The following GPT2 variants were observed in gnomAD, a reference collection of about 807,000 sequenced individuals.
GPT2 encodes the protein glutamic--pyruvic transaminase 2.
GPT2 carries 30 observed loss-of-function variants against 56.9 expected under a neutral mutation model. That is an observed-to-expected ratio of 0.53 (90% CI 0.39 to 0.72). The LOEUF (loss-of-function observed/expected upper bound fraction) is 0.72. Ranked by LOEUF, GPT2 falls within the 30% of genes least tolerant of loss-of-function variation. GPT2 has a pLI of 0.00. For synonymous variants in GPT2, 271 were observed against 283.1 expected (o/e 0.96, Z 0.43); for missense variants, 542 against 703.4 (o/e 0.77, Z 2.60).
At chr16:46,922,191 G>T in intron 8 of GPT2, 51 bp from the exon 9 acceptor site, 1 of 1,578,624 alleles carries the variant, frequency 6.3e-7, no homozygotes, top group Non-Finnish European at 8.6e-7. Flanking sequence ...ATGGCACTTT[G>T]TTGAGGTCTT....
At chr16:46,890,063 G>C (rs1458088068) in intron 2 of GPT2, among the ~76,000 whole-genome samples, 1 of 152,226 alleles carries the variant, frequency 6.6e-6, no homozygotes, top group East Asian at 1.9e-4. Flanking sequence ...CCTACACCCT[G>C]TCTTCCCTGC....
intron 4 of GPT2, among the ~76,000 whole-genome samples, chr16:46,905,594 A>G (rs537265714): frequency 3.9e-5 from 6 of 152,304 alleles, no homozygotes; most frequent in Admixed American, 1.3e-4. Context: ...GCACTTCCAC[A>G]GGGAATTCAC....
intron 4 of GPT2, among the ~76,000 whole-genome samples, chr16:46,902,912 C>T (rs1960846875): frequency 6.6e-6 from 1 of 152,112 alleles, no homozygotes; most frequent in African/African-American, 2.4e-5. Context: ...GCGTGAGCCA[C>T]CGCGCCTGGC....
chr16:46,886,425 G>A (rs1960485599), intron 2 of GPT2, among the ~76,000 whole-genome samples: 1 of 152,208 alleles, frequency 6.6e-6, no homozygotes, highest in Admixed American at 6.5e-5. Flanking sequence ...GAGGCTTGAG[G>A]ATGATGAGGA....
rs541034881 is a variant in GPT2 at position 46,931,126 on chromosome 16, G to T, written c.*2129G>T. 6.6e-6 allele frequency: 1 copy of T among 152,274 alleles called. No homozygotes were observed. Among genetic ancestry groups the T allele is most frequent in the Non-Finnish European group, 1.5e-5 (1 of 68,082 alleles). The allele number at this position is 152,274 out of a possible 1,614,324, so 9.4% of individuals were successfully genotyped here. On this transcript the variant is annotated 3_prime_UTR_variant, in exon 12 of 12. Transcript: ENST00000340124. Reference sequence around the variant, plus strand: ...TGCATCACCGGGCACCCAGAGGCTTGCCTGGCTATTCCTGTTCTGGTGTGT... The same window carrying T: ...TGCATCACCGGGCACCCAGAGGCTTTCCTGGCTATTCCTGTTCTGGTGTGT...
chr16:46,907,844 G>T (rs1482566569), intron 5 of GPT2, among the ~76,000 whole-genome samples: 1 of 152,250 alleles, frequency 6.6e-6, no homozygotes, highest in African/African-American at 2.4e-5. Flanking sequence ...AGGTATCTCG[G>T]GCTGGGGTCA....
chr16:46,890,970 T>C (rs969929709), intron 2 of GPT2, among the ~76,000 whole-genome samples: 4 of 151,720 alleles, frequency 2.6e-5, no homozygotes, highest in Non-Finnish European at 4.4e-5. Flanking sequence ...GCTTCCCGGG[T>C]TCAAGCAATT....
At chr16:46,915,506 A>G (rs1161713580) in intron 6 of GPT2, 2 of 144,862 alleles carry the variant, frequency 1.4e-5, no homozygotes, top group African/African-American at 2.6e-5. Flanking sequence ...AGACACCCCA[A>G]CACACCTACA....
rs952613570 is a variant in GPT2 at position 46,885,011 on chromosome 16, C to G, written c.243+53C>G. 18 of 1,407,934 alleles carry G rather than the reference C, an allele frequency of 1.3e-5. No individual in the cohort carries two copies. In the African/African-American group the frequency reaches 2.7e-4, roughly 21 times the overall value. The allele number at this position is 1,407,934 out of a possible 1,614,324, so 87.2% of individuals were successfully genotyped here. The stretch of plus-strand genomic sequence containing the variant: ...CTGGGGCCGCTGAGCAAGGGAAAAA[C>G]CGCAGCAGCCCCAGCTGGGGTCCTT... On this transcript the variant is annotated intron_variant, in intron 2 of 11. Transcript: ENST00000340124.
At chr16:46,906,614 G>A (rs963493852) in intron 4 of GPT2, among the ~76,000 whole-genome samples, 1 of 152,134 alleles carries the variant, frequency 6.6e-6, no homozygotes. Context: ...ATGAGTGGAT[G>A]GATGTGTGGG....
intron 2 of GPT2, chr16:46,885,564 G>T (rs1190856309): frequency 1.0e-6 from 1 of 985,006 alleles, no homozygotes; most frequent in Non-Finnish European, 1.2e-6. Context: ...TGTGGTCTGG[G>T]GACAGTCACC....
chr16:46,901,703 C>T (rs1362617631), intron 4 of GPT2, among the ~76,000 whole-genome samples: 1 of 152,102 alleles, frequency 6.6e-6, no homozygotes, highest in African/African-American at 2.4e-5. Flanking sequence ...CTCCATCTCC[C>T]GCCACCCCCG....
In GPT2 at chr16:46,924,469, C is replaced by T; in HGVS notation, c.1293C>T (p.His431=). ...TGTTTAACCAAGTCCCAGGAATTCACTGCAACCCCTTGCAGGGGGCCATGT... is the reference window on the plus strand; with the variant it reads ...TGTTTAACCAAGTCCCAGGAATTCATTGCAACCCCTTGCAGGGGGCCATGT... ...EDLFNQVPGI[H]CNPLQGAMYA... The change falls in exon 10 of 12, where the codon CAC becomes CAT. Residue 431 remains histidine (H), a synonymous_variant. Transcript: ENST00000340124. The T allele has an allele frequency of 6.2e-7, 1 of 1,614,236 alleles. No individual in the cohort carries two copies. The highest frequency in any genetic ancestry group is 8.5e-7 in the Non-Finnish European group (1 of 1,180,026).
chr16:46,898,991 T>TATAA (rs1491348278), intron 3 of GPT2, among the ~76,000 whole-genome samples: 2 of 76,968 alleles, frequency 2.6e-5, no homozygotes, highest in African/African-American at 8.6e-5. Context: ...TATATATATA[T>TATAA]AACACACATA....
rs556288841 is a variant in GPT2 at position 46,922,017 on chromosome 16, C to T, written c.1038-225C>T. Among the ~76,000 whole-genome samples the T allele has an allele frequency of 2.0e-5, 3 of 152,256 alleles. No homozygotes were observed. The South Asian group carries it at 6.2e-4, about 32-fold the overall frequency. ...GAGGCTGCAGTGAGCTATGATCATGCCACTGCACTCCAGCCTGGGTGACAG... is the reference window on the plus strand; with the variant it reads ...GAGGCTGCAGTGAGCTATGATCATGTCACTGCACTCCAGCCTGGGTGACAG... On this transcript the variant is annotated intron_variant, in intron 8 of 11. Transcript: ENST00000340124.
intron 6 of GPT2, among the ~76,000 whole-genome samples, chr16:46,910,179 G>T (rs1289462104): frequency 6.6e-6 from 1 of 151,968 alleles, no homozygotes; most frequent in Non-Finnish European, 1.5e-5. Context: ...TCAGAAATTG[G>T]AGACCAGCCT....
chr16:46,896,998 G>A (rs1041375668), intron 2 of GPT2, among the ~76,000 whole-genome samples: 1 of 152,216 alleles, frequency 6.6e-6, no homozygotes, highest in African/African-American at 2.4e-5. Context: ...GAAGGTCGGG[G>A]ATGCAGTGAA....
At chr16:46,890,091 T>C (rs1225241878) in intron 2 of GPT2, among the ~76,000 whole-genome samples, 1 of 152,252 alleles carries the variant, frequency 6.6e-6, no homozygotes, top group Non-Finnish European at 1.5e-5. Context: ...ATCTGGCAGC[T>C]CAGCCCTGGA....
In GPT2 at chr16:46,898,919, CAT is replaced by C. The variant is rs776555784; in HGVS notation, c.333+1189_333+1190del. Among the ~76,000 whole-genome samples, 492 of 141,098 alleles carry C rather than the reference CAT, an allele frequency of 3.5e-3. 2 individuals carry two copies. Among genetic ancestry groups the C allele is most frequent in the Admixed American group, 5.5e-3 (77 of 13,942 alleles). The allele number at this position is 141,098 out of a possible 152,430, so 92.6% of individuals were successfully genotyped here. On this transcript the variant is annotated intron_variant, in intron 3 of 11. Coordinates refer to ENST00000340124, the MANE Select transcript of GPT2 (RefSeq NM_133443.4). ...ATATATACACATATATATACACACA[CAT>C]ATATATGTGTATATATATACACACA...
Sources: gnomAD v4.1 joint callset for allele counts (sites outside exome capture counted in the v4.1 genomes callset) on GRCh38, gnomAD v4.1.1 for gene constraint, MANE v1.5 for transcripts, NCBI Gene and HGNC (gene_info 2026-07-23, HGNC 2026-07-21) for gene names.